Variants in CHRM3 observed in about 807,000 individuals in gnomAD.
The protein encoded by CHRM3 is muscarinic acetylcholine receptor M3.
CHRM3 carries 11 observed loss-of-function variants against 41.8 expected under a neutral mutation model. The observed-to-expected ratio is 0.26, with a 90% CI of 0.17 to 0.44. The LOEUF (loss-of-function observed/expected upper bound fraction) is 0.44, where lower values mean the gene tolerates loss of function less well. Ranked by LOEUF, CHRM3 falls within the 20% of genes least tolerant of loss-of-function variation. CHRM3 has a pLI of 1.00. For synonymous variants in CHRM3, 297 were observed against 301.4 expected (o/e 0.99, Z 0.15); for missense variants, 571 against 745.4 (o/e 0.77, Z 2.72).
chr1:239,755,461 C>T (rs1666165731), intron 5 of CHRM3, among the ~76,000 whole-genome samples: 1 of 152,144 alleles, frequency 6.6e-6, no homozygotes, highest in Non-Finnish European at 1.5e-5. Context: ...TCCTAATTGA[C>T]ATACAATTCT....
Position 239,752,336 on chromosome 1 carries a change from G to C in CHRM3, c.-147+74048G>C, listed in dbSNP as rs1556923. On this transcript the variant is annotated intron_variant, in intron 5 of 6. Transcript: ENST00000676153. ...TATGTCCAGCCATTGTTCTATTTCT[G>C]TCAGAGAAGAGAAGGATTTTTTTCT... is the stretch of plus-strand genomic sequence containing the variant. Among the ~76,000 whole-genome samples, 817 of 152,296 alleles carry C rather than the reference G, an allele frequency of 5.4e-3. 5 individuals carry two copies. Among genetic ancestry groups the C allele is most frequent in the Non-Finnish European group, 9.2e-3 (628 of 68,024 alleles).
At chr1:239,783,805 C>T (rs1668685250) in intron 5 of CHRM3, among the ~76,000 whole-genome samples, 1 of 152,138 alleles carries the variant, frequency 6.6e-6, no homozygotes, top group South Asian at 2.1e-4. Flanking sequence ...ATAATCCTGT[C>T]ACCAGAGTGT....
At chr1:239,820,585 G>C (rs905716175) in intron 5 of CHRM3, among the ~76,000 whole-genome samples, 1 of 152,132 alleles carries the variant, frequency 6.6e-6, no homozygotes, top group South Asian at 2.1e-4. Flanking sequence ...GATGTTGATG[G>C]GGGGAGAAAG....
chr1:239,424,069 AAAG>A (rs1387414230), intron 1 of CHRM3, among the ~76,000 whole-genome samples: 7 of 151,774 alleles, frequency 4.6e-5, no homozygotes, highest in Non-Finnish European at 1.0e-4. Flanking sequence ...AAAAAAAAAA[AAAG>A]AAAAAAAAAA....
Position 239,740,757 on chromosome 1 carries a change from C to T in CHRM3, c.-147+62469C>T, listed in dbSNP as rs571123598. On this transcript the variant is annotated intron_variant, in intron 5 of 6. Transcript: ENST00000676153. ...TCATTAGCGAAATGCAAATCAAAAC[C>T]ATAATGAGATACCATTTCACACCAG... Among the ~76,000 whole-genome samples, 25 of 152,084 alleles carry T rather than the reference C, an allele frequency of 1.6e-4. No individual in the cohort carries two copies. The South Asian group carries it at 5.2e-3, about 32-fold the overall frequency.
intron 3 of CHRM3, chr1:239,629,475 G>A (rs1232800337): frequency 1.3e-5 from 2 of 154,304 alleles, no homozygotes; most frequent in East Asian, 1.9e-4. Context: ...CGTCGCTCAC[G>A]CTGGGAGCTG....
intron 5 of CHRM3, among the ~76,000 whole-genome samples, chr1:239,684,051 T>C (rs1412047803): frequency 6.6e-5 from 10 of 152,242 alleles, no homozygotes; most frequent in Admixed American, 6.5e-4. Flanking sequence ...AAGTAATTCA[T>C]GTATTTAGGA....
intron 5 of CHRM3, among the ~76,000 whole-genome samples, chr1:239,793,067 C>A (rs1669477430): frequency 1.3e-5 from 2 of 152,194 alleles, no homozygotes; most frequent in Non-Finnish European, 2.9e-5. Flanking sequence ...AAGCATTTCT[C>A]AGTATTTGTC....
intron 2 of CHRM3, among the ~76,000 whole-genome samples, chr1:239,516,765 C>T (rs992178571): frequency 2.5e-4 from 38 of 152,286 alleles, no homozygotes; most frequent in African/African-American, 8.2e-4. Context: ...GCGAGCGAAA[C>T]GTCTGTATTT....
chr1:239,717,217 G>A (rs1180574899), intron 5 of CHRM3, among the ~76,000 whole-genome samples: 1 of 152,096 alleles, frequency 6.6e-6, no homozygotes, highest in Non-Finnish European at 1.5e-5. Flanking sequence ...TTAAAACTGT[G>A]CCCTTGCAGA....
At chr1:239,630,100 CAG>C (rs1669636637) in intron 3 of CHRM3, among the ~76,000 whole-genome samples, 2 of 152,244 alleles carry the variant, frequency 1.3e-5, no homozygotes, top group Admixed American at 1.3e-4. Flanking sequence ...GAAATTTAAT[CAG>C]AGAAACTTCA....
intron 2 of CHRM3, among the ~76,000 whole-genome samples, chr1:239,539,775 C>T (rs927398822): frequency 3.5e-5 from 4 of 115,316 alleles, no homozygotes; most frequent in East Asian, 3.0e-4. Flanking sequence ...GGACCATGCC[C>T]GGCTAATTTT....
intron 1 of CHRM3, among the ~76,000 whole-genome samples, chr1:239,399,600 T>C (rs1383777475): frequency 6.6e-6 from 1 of 152,208 alleles, no homozygotes; most frequent in Non-Finnish European, 1.5e-5. Flanking sequence ...GATGTGGCAT[T>C]GGTCTTTCTG....
At chr1:239,726,021 T>C (rs1279488304) in intron 5 of CHRM3, among the ~76,000 whole-genome samples, 1 of 151,908 alleles carries the variant, frequency 6.6e-6, no homozygotes, top group Non-Finnish European at 1.5e-5. Context: ...TCTGGCCCAT[T>C]CCCTGTTTTT....
At chr1:239,404,417 A>AGAAAGAGAAAGAAAGAAAGAAG (rs1660355374) in intron 1 of CHRM3, among the ~76,000 whole-genome samples, 2 of 80,188 alleles carry the variant, frequency 2.5e-5, no homozygotes, top group Admixed American at 1.3e-4. Flanking sequence ...AGAAAAAGAA[A>AGAAAGAGAAAGAAAGAAAGAAG]GAAAGAAAGA....
chr1:239,839,582 G>A (rs1042873520), intron 6 of CHRM3, among the ~76,000 whole-genome samples: 1 of 152,216 alleles, frequency 6.6e-6, no homozygotes, highest in African/African-American at 2.4e-5. Context: ...AGAGACAAAT[G>A]TTTGTGGTTA....
chr1:239,687,546 A>C (rs1659263089), intron 5 of CHRM3, among the ~76,000 whole-genome samples: 1 of 152,156 alleles, frequency 6.6e-6, no homozygotes, highest in Non-Finnish European at 1.5e-5. Flanking sequence ...CAAATTTGCC[A>C]TATGTACATT....
chr1:239,819,436 A>G (rs1028649759), intron 5 of CHRM3, among the ~76,000 whole-genome samples: 2 of 152,236 alleles, frequency 1.3e-5, no homozygotes, highest in Non-Finnish European at 1.5e-5. Flanking sequence ...GTATGAGTCC[A>G]CAGTTGCTTC....
chr1:239,463,548 A>AT (rs1481809335), intron 1 of CHRM3, among the ~76,000 whole-genome samples: 2 of 151,984 alleles, frequency 1.3e-5, no homozygotes, highest in Non-Finnish European at 1.5e-5. Context: ...ATGACATTTT[A>AT]TTTTTTCTAA....
Sources: gnomAD v4.1 joint callset for allele counts (sites outside exome capture counted in the v4.1 genomes callset) on GRCh38, gnomAD v4.1.1 for gene constraint, MANE v1.5 for transcripts, NCBI Gene and HGNC (gene_info 2026-07-23, HGNC 2026-07-21) for gene names.